CABIN1: variants seen among roughly 807,000 people sequenced by gnomAD.
CABIN1 encodes calcineurin binding protein 1.
CABIN1 carries 133 observed loss-of-function variants against 227.7 expected under a neutral mutation model. That is an observed-to-expected ratio of 0.58 (90% CI 0.51 to 0.67). The LOEUF (loss-of-function observed/expected upper bound fraction) is 0.67. CABIN1 is among the 30% of genes least tolerant of loss of function. CABIN1 has a pLI of 0.00. For missense variants in CABIN1, 2,408 were observed against 2,852.5 expected (o/e 0.84, Z 3.55); for synonymous variants, 1,086 against 1,155.1 (o/e 0.94, Z 1.21).
intron 2 of CABIN1, 39 bp from the exon 3 acceptor site, chr22:24,036,050 C>A: frequency 1.4e-6 from 2 of 1,416,548 alleles, no homozygotes; most frequent in South Asian, 1.1e-5. Context: ...AGTGACATCT[C>A]AAAGCAACTT....
intron 23 of CABIN1, among the ~76,000 whole-genome samples, chr22:24,088,307 G>A (rs1178452205): frequency 6.6e-6 from 1 of 152,110 alleles, no homozygotes; most frequent in Non-Finnish European, 1.5e-5. Context: ...TAACATTACC[G>A]TCTTTAAAAA....
intron 19 of CABIN1, 144 bp downstream of exon 19, chr22:24,076,428 C>G (rs897260295): frequency 5.6e-6 from 4 of 708,210 alleles, no homozygotes; most frequent in Non-Finnish European, 7.7e-6. Flanking sequence ...CTTTGACTTA[C>G]TGCATTTCTC....
At chr22:24,168,143 G>A (rs1486031556) in intron 32 of CABIN1, among the ~76,000 whole-genome samples, 1 of 152,242 alleles carries the variant, frequency 6.6e-6, no homozygotes, top group Non-Finnish European at 1.5e-5. Flanking sequence ...GATGGGCTCA[G>A]AGGAACAGCT....
Position 24,044,831 on chromosome 22 carries a change from C to T in CABIN1, c.526+1747C>T, listed in dbSNP as rs115765484. 9.4e-3 allele frequency among the ~76,000 whole-genome samples: 1,427 copies of T among 152,122 alleles called. 27 individuals carry two copies. The highest frequency in any genetic ancestry group is 0.032 in the African/African-American group (1,341 of 41,482). ...AGAAATGCCCTTGATGTTTATATTT[C>T]TACCAACATTCTGTACATGATTATT... On this transcript the variant is annotated intron_variant, in intron 6 of 36. Transcript: ENST00000263119.
rs5760222 is a variant in CABIN1, at chr22:24,151,718, C to T, written c.4747-12682C>T. Among the ~76,000 whole-genome samples, 60 of 152,324 alleles carry T rather than the reference C, an allele frequency of 3.9e-4. No individual in the cohort carries two copies. The East Asian group carries it at 0.01, about 26-fold the overall frequency. On this transcript the variant is annotated intron_variant, in intron 29 of 36. Coordinates refer to ENST00000263119, the MANE Select transcript of CABIN1 (RefSeq NM_012295.4). Reference sequence around the variant, plus strand: ...GGAGCCTGCTGGCCAGTCTTCTCTGCCCAATCTGTTCCCCAGATTCCCTGC... The same window carrying T: ...GGAGCCTGCTGGCCAGTCTTCTCTGTCCAATCTGTTCCCCAGATTCCCTGC...
chr22:24,164,698 C>T, intron 30 of CABIN1, 135 bp downstream of exon 30: 2 of 1,035,620 alleles, frequency 1.9e-6, no homozygotes, highest in Non-Finnish European at 2.9e-6. Context: ...TCTTCATTCT[C>T]CTTGGGGGCC....
chr22:24,171,828 G>A lies in CABIN1; in HGVS notation c.5873G>A (p.Arg1958Gln), dbSNP rs749499501. ...CCTGTGCCAGCTGACTCTGTCCAGC[G>A]GCCCAGTGATGCTCACACCAAGCCT... Reference protein sequence around the residue: ...PDPVPADSVQRPSDAHTKPRP... With the variant: ...PDPVPADSVQQPSDAHTKPRP... Residue 1958 changes from arginine to glutamine, a missense_variant, in exon 34 of 37, where the codon CGG (arginine) becomes CAG (glutamine). By Grantham distance (43) the Arg-to-Gln change is conservative. Transcript: ENST00000263119. 1.2e-5 allele frequency: 20 copies of A among 1,613,972 alleles called. No homozygotes were observed. Among genetic ancestry groups the A allele is most frequent in the Middle Eastern group, 1.6e-4 (1 of 6,084 alleles).
chr22:24,079,225 T>C (rs2040647194), intron 19 of CABIN1, among the ~76,000 whole-genome samples: 1 of 152,196 alleles, frequency 6.6e-6, no homozygotes, highest in African/African-American at 2.4e-5. Context: ...TCATCCCACA[T>C]TATTCTGAAG....
At chr22:24,072,292 A>G (rs1273127689) in intron 17 of CABIN1, 62 bp from the exon 18 acceptor site, 2 of 1,597,996 alleles carry the variant, frequency 1.3e-6, no homozygotes, top group Non-Finnish European at 1.7e-6. Flanking sequence ...GCCTCCCTTC[A>G]GTCTGCCCTG....
At chr22:24,058,175 T>A (rs946840254) in intron 10 of CABIN1, among the ~76,000 whole-genome samples, 1 of 152,194 alleles carries the variant, frequency 6.6e-6, no homozygotes, top group Admixed American at 6.5e-5. Context: ...CACACCACTA[T>A]GCCCAGCTAA....
chr22:24,178,269 G>A lies in CABIN1; in HGVS notation c.*73G>A. The A allele has an allele frequency of 2.5e-6, 4 of 1,587,790 alleles. No individual in the cohort carries two copies. Among genetic ancestry groups the A allele is most frequent in the Non-Finnish European group, 3.4e-6 (4 of 1,165,444 alleles). ...TGGAATGCCCCCTGGGCAGGACCCT[G>A]GGCAGGACCAGAGGCCCACATGGAT... On this transcript the variant is annotated 3_prime_UTR_variant, in exon 37 of 37. Transcript: ENST00000263119.
chr22:24,094,398 A>G (rs1336374425), intron 24 of CABIN1, among the ~76,000 whole-genome samples: 1 of 152,240 alleles, frequency 6.6e-6, no homozygotes, highest in Non-Finnish European at 1.5e-5. Flanking sequence ...ACCCTCTCCC[A>G]GCACACAGTG....
At chr22:24,112,691 G>A (rs772613526) in intron 26 of CABIN1, among the ~76,000 whole-genome samples, 13 of 152,194 alleles carry the variant, frequency 8.5e-5, no homozygotes, top group South Asian at 2.1e-4. Flanking sequence ...GATTCTGCCC[G>A]TCCTTCAGTG....
intron 6 of CABIN1, among the ~76,000 whole-genome samples, chr22:24,043,890 A>G (rs2037634208): frequency 6.6e-6 from 1 of 152,252 alleles, no homozygotes; most frequent in Admixed American, 6.5e-5. Context: ...CCAAAATATA[A>G]TGGTGGGACA....
intron 29 of CABIN1, among the ~76,000 whole-genome samples, chr22:24,161,465 G>A (rs983744121): frequency 2.0e-5 from 3 of 152,158 alleles, no homozygotes; most frequent in African/African-American, 2.4e-5. Context: ...CCAGAGCAGC[G>A]GGACCCAGGG....
intron 1 of CABIN1, among the ~76,000 whole-genome samples, chr22:24,013,678 A>ATG: frequency 6.6e-6 from 1 of 152,320 alleles, no homozygotes; most frequent in East Asian, 1.9e-4. Context: ...TGTGATATGA[A>ATG]TGTTACCATT....
intron 29 of CABIN1, among the ~76,000 whole-genome samples, chr22:24,146,526 AGT>A (rs1389153956): frequency 6.6e-6 from 1 of 152,204 alleles, no homozygotes; most frequent in African/African-American, 2.4e-5. Context: ...GAGAAGCTAC[AGT>A]GTGTCCTCAC....
At chr22:24,139,844 T>G (rs1243816130) in intron 29 of CABIN1, among the ~76,000 whole-genome samples, 2 of 152,238 alleles carry the variant, frequency 1.3e-5, no homozygotes, top group African/African-American at 4.8e-5. Context: ...TTCATCCCTT[T>G]CCCCTCAGCA....
At chr22:24,038,843 A>T (rs2037132852) in intron 4 of CABIN1, among the ~76,000 whole-genome samples, 1 of 152,254 alleles carries the variant, frequency 6.6e-6, no homozygotes, top group Non-Finnish European at 1.5e-5. Flanking sequence ...TTTGGAGTCC[A>T]TGGTTTGCTG....
Sources: gnomAD v4.1 joint callset for allele counts (sites outside exome capture counted in the v4.1 genomes callset) on GRCh38, gnomAD v4.1.1 for gene constraint, MANE v1.5 for transcripts, NCBI Gene and HGNC (gene_info 2026-07-23, HGNC 2026-07-21) for gene names.